The following ZMYM4 variants were observed in gnomAD, a reference collection of about 807,000 sequenced individuals.
ZMYM4 encodes zinc finger MYM-type containing 4, also known as zinc finger MYM-type protein 4.
In ZMYM4, 31 loss-of-function variants were observed where a neutral mutation model predicts 183.2. The ratio of observed to expected loss-of-function variants is 0.17; its 90% confidence interval spans 0.13 to 0.23. The LOEUF is 0.23. ZMYM4 is among the 10% of genes least tolerant of loss of function. The probability of loss-of-function intolerance (pLI) is 1.00; values close to 1 mark genes in which losing one functional copy is unlikely to be tolerated. For synonymous variants in ZMYM4, 592 were observed against 631.2 expected, an observed-to-expected ratio of 0.94 and a Z score of 0.93; for missense variants, 1,273 against 1,840.3, an observed-to-expected ratio of 0.69 and a Z score of 5.64.
chr1:35,309,959 C>G (rs1641719475), intron 1 of ZMYM4, among the ~76,000 whole-genome samples: 1 of 143,302 alleles, frequency 7.0e-6, no homozygotes, highest in Non-Finnish European at 1.5e-5. Flanking sequence ...TGGAGTTTCA[C>G]TCTTGTCGCC....
chr1:35,350,432 G>A (rs567922393), intron 2 of ZMYM4, among the ~76,000 whole-genome samples: 1 of 152,148 alleles, frequency 6.6e-6, no homozygotes, highest in African/African-American at 2.4e-5. Context: ...GGGATTAAAG[G>A]CATGTGCCAC....
intron 26 of ZMYM4, among the ~76,000 whole-genome samples, chr1:35,411,385 G>A (rs566931710): frequency 6.6e-6 from 1 of 151,950 alleles, no homozygotes; most frequent in South Asian, 2.1e-4. Context: ...TCGATCTCAT[G>A]ACCTTGTGAT....
rs537506195 is a variant in ZMYM4 at position 35,403,412 on chromosome 1, A to C, written c.3529-1611A>C. Among the ~76,000 whole-genome samples, 7 of 152,164 alleles carry C rather than the reference A, an allele frequency of 4.6e-5. No individual in the cohort carries two copies. In the South Asian group the frequency reaches 1.0e-3, roughly 23 times the overall value. Reference sequence around the variant, plus strand: ...GCAGTTCTCCTGCCTCAGCCTTCCAAGTAGCTGGGATTACAGGTGCCCACC... The same window carrying C: ...GCAGTTCTCCTGCCTCAGCCTTCCACGTAGCTGGGATTACAGGTGCCCACC... On this transcript the variant is annotated intron_variant, in intron 23 of 29. Coordinates refer to ENST00000314607, the MANE Select transcript of ZMYM4 (RefSeq NM_005095.3).
At chr1:35,318,365 T>G (rs1400381763) in intron 1 of ZMYM4, among the ~76,000 whole-genome samples, 1 of 152,112 alleles carries the variant, frequency 6.6e-6, no homozygotes, top group Non-Finnish European at 1.5e-5. Context: ...GCTGACAGTT[T>G]GTTAAGGCAT....
At chr1:35,387,362 A>G (rs997693123) in intron 12 of ZMYM4, 84 bp downstream of exon 12, 2 of 1,574,424 alleles carry the variant, frequency 1.3e-6, no homozygotes, top group African/African-American at 2.7e-5. Context: ...ATCTCTCAAA[A>G]TCATACCATT....
At chr1:35,293,433 C>T (rs1296656097) in intron 1 of ZMYM4, among the ~76,000 whole-genome samples, 1 of 152,016 alleles carries the variant, frequency 6.6e-6, no homozygotes, top group African/African-American at 2.4e-5. Context: ...ACTGCCTCTG[C>T]CTCCTGAGTA....
intron 2 of ZMYM4, among the ~76,000 whole-genome samples, chr1:35,337,552 A>G (rs1238268757): frequency 6.6e-6 from 1 of 152,190 alleles, no homozygotes; most frequent in Non-Finnish European, 1.5e-5. Flanking sequence ...AGAGGTTGGC[A>G]AACTTTTTCT....
intron 7 of ZMYM4, among the ~76,000 whole-genome samples, chr1:35,374,659 C>T (rs1644295485): frequency 6.9e-6 from 1 of 145,858 alleles, no homozygotes. Context: ...AAAAGTCAGC[C>T]ACATCTCCGT....
intron 1 of ZMYM4, among the ~76,000 whole-genome samples, chr1:35,304,183 C>G (rs1180783166): frequency 6.6e-6 from 1 of 152,020 alleles, no homozygotes; most frequent in Non-Finnish European, 1.5e-5. Context: ...TACCAGCACA[C>G]TCGGCTAATT....
chr1:35,408,173 CAT>C lies in ZMYM4; in HGVS notation c.3948+17_3948+18del. The C allele has an allele frequency of 6.2e-7, 1 of 1,613,760 alleles. No homozygotes were observed. The highest frequency in any genetic ancestry group is 2.2e-5 in the East Asian group (1 of 44,862). On this transcript the variant is annotated intron_variant, in intron 26 of 29. Transcript: ENST00000314607. ...GGAATTCAACAGGTATCAAGTTAAA[CAT>C]ATGGATTCTTCAACCTAGCAAATCC...
chr1:35,281,077 G>T (rs975281449), intron 1 of ZMYM4, among the ~76,000 whole-genome samples: 1 of 152,160 alleles, frequency 6.6e-6, no homozygotes, highest in African/African-American at 2.4e-5. Flanking sequence ...GAGGTCAGGA[G>T]ATCGAGACCA....
intron 23 of ZMYM4, among the ~76,000 whole-genome samples, chr1:35,401,374 A>G (rs529098852): frequency 6.6e-6 from 1 of 152,320 alleles, no homozygotes; most frequent in East Asian, 1.9e-4. Flanking sequence ...TTTTTCCCTA[A>G]TGATTAATGA....
chr1:35,343,055 T>A (rs1283940554), intron 2 of ZMYM4, among the ~76,000 whole-genome samples: 1 of 152,160 alleles, frequency 6.6e-6, no homozygotes, highest in South Asian at 2.1e-4. Context: ...TGGGGCTATC[T>A]CTGTGTCTGT....
intron 1 of ZMYM4, among the ~76,000 whole-genome samples, chr1:35,269,691 G>C (rs1047980067): frequency 6.6e-6 from 1 of 152,134 alleles, no homozygotes; most frequent in African/African-American, 2.4e-5. Flanking sequence ...CCTCTTACTC[G>C]CAATTAGGGA....
chr1:35,316,403 A>G (rs1280042951), intron 1 of ZMYM4, among the ~76,000 whole-genome samples: 1 of 152,240 alleles, frequency 6.6e-6, no homozygotes, highest in Non-Finnish European at 1.5e-5. Context: ...AACACAGTTC[A>G]TATTTCATTT....
intron 13 of ZMYM4, among the ~76,000 whole-genome samples, chr1:35,387,897 C>T (rs542353034): frequency 2.6e-5 from 4 of 152,260 alleles, no homozygotes; most frequent in African/African-American, 7.2e-5. Context: ...CCTCAAAGAG[C>T]TTCTAGTTCG....
intron 1 of ZMYM4, among the ~76,000 whole-genome samples, chr1:35,300,617 G>A (rs192491280): frequency 8.5e-4 from 129 of 151,838 alleles, no homozygotes; most frequent in South Asian, 4.0e-3. Context: ...TTTTATTTTG[G>A]ACTGTTTCTT....
At position 35,291,493 on chromosome 1, in the gene ZMYM4, C is replaced by T. The variant is rs147488531; in HGVS notation, c.39+22408C>T. Among the ~76,000 whole-genome samples, 13 of 151,996 alleles carry T rather than the reference C, an allele frequency of 8.6e-5. 2 individuals are homozygous for T. Among genetic ancestry groups the T allele is most frequent in the African/African-American group, 2.6e-4 (11 of 41,512 alleles). On this transcript the variant is annotated intron_variant, in intron 1 of 29. Coordinates refer to ENST00000314607, the MANE Select transcript of ZMYM4 (RefSeq NM_005095.3). ...TTTGTGTCATATCTAACTTCTGTGCCTTTTAGCATTTTATTTTTTTCTGTC... is the reference window on the plus strand; with the variant it reads ...TTTGTGTCATATCTAACTTCTGTGCTTTTTAGCATTTTATTTTTTTCTGTC...
intron 1 of ZMYM4, among the ~76,000 whole-genome samples, chr1:35,277,528 TA>T (rs751566844): frequency 3.3e-5 from 5 of 152,186 alleles, no homozygotes; most frequent in Non-Finnish European, 7.4e-5. Context: ...TTAGTGATAC[TA>T]AATGGATCAT....
Sources: allele counts gnomAD v4.1 joint callset (sites outside exome capture counted in the v4.1 genomes callset), GRCh38; gene constraint gnomAD v4.1.1; transcripts MANE v1.5; gene names NCBI Gene and HGNC (gene_info 2026-07-23, HGNC 2026-07-21).